The following STX16 variants were observed in gnomAD, a reference collection of about 807,000 sequenced individuals.
STX16 encodes the protein syntaxin-16.
In STX16, 28 loss-of-function variants were observed where a neutral mutation model predicts 42.7. The ratio of observed to expected loss-of-function variants is 0.66; its 90% confidence interval spans 0.49 to 0.90. The LOEUF (loss-of-function observed/expected upper bound fraction) is 0.90. Ranked by LOEUF, STX16 falls within the 40% of genes least tolerant of loss-of-function variation. The pLI is 0.00. For synonymous variants in STX16, 156 were observed against 155.2 expected (o/e 1.00, Z -0.04); for missense variants, 361 against 420.9 (o/e 0.86, Z 1.24).
At chr20:58,666,159 G>C (rs2083821898) in intron 2 of STX16, among the ~76,000 whole-genome samples, 1 of 152,134 alleles carries the variant, frequency 6.6e-6, no homozygotes, top group South Asian at 2.1e-4. Context: ...ATGCAAGGAA[G>C]AGGGAAGAAA....
At chr20:58,668,934 T>C (rs1276335919) in intron 4 of STX16, among the ~76,000 whole-genome samples, 1 of 152,212 alleles carries the variant, frequency 6.6e-6, no homozygotes, top group Non-Finnish European at 1.5e-5. Flanking sequence ...TTTCGAATTT[T>C]CAGATTGGGG....
In STX16 at chr20:58,677,961, C is replaced by A. The variant is rs2084173306; in HGVS notation, c.*1670C>A. 6.6e-6 allele frequency: 1 copy of A among 152,244 alleles called. No individual in the cohort carries two copies. Among genetic ancestry groups the A allele is most frequent in the Non-Finnish European group, 1.5e-5 (1 of 68,078 alleles). 9.4% of individuals were successfully genotyped at this position (152,244 alleles called of 1,614,324 possible). ...AGGAAGCGGACCTGGTATTCCCTGA[C>A]AAACATTGCTTAGGAAAGAGGGCCG... On this transcript the variant is annotated 3_prime_UTR_variant, in exon 9 of 9. Transcript: ENST00000371141.
rs2083864835 is a variant in STX16 at position 58,667,496 on chromosome 20, G to A, written c.151G>A (p.Asp51Asn). Residue 51 changes from aspartate to asparagine, a missense_variant, in exon 3 of 9, where the codon GAT (aspartate) becomes AAT (asparagine). Asp to Asn is a conservative substitution (Grantham distance 23, BLOSUM62 1). Coordinates refer to ENST00000371141, the MANE Select transcript of STX16 (RefSeq NM_001001433.3). Reference protein sequence around the residue: ...SIAAELDELADDRMALVSGIS... With the variant: ...SIAAELDELANDRMALVSGIS... ...TCCCTTTACTTTCCTGTAGCTTGCT[G>A]ATGACCGTATGGCACTGGTGTCAGG... 6.2e-7 allele frequency: 1 copy of A among 1,614,008 alleles called. No homozygotes were observed. Among genetic ancestry groups the A allele is most frequent in the East Asian group, 2.2e-5 (1 of 44,874 alleles).
At chr20:58,652,409 C>G (rs2083487029) in intron 1 of STX16, 1 of 541,596 alleles carries the variant, frequency 1.8e-6, no homozygotes, top group South Asian at 1.6e-5. Flanking sequence ...CGTCACTGCG[C>G]TACAGGCCGC....
intron 3 of STX16, 92 bp downstream of exon 3, chr20:58,667,689 A>G: frequency 4.4e-6 from 5 of 1,138,224 alleles, no homozygotes; most frequent in South Asian, 2.6e-5. Context: ...GAATTTGGCT[A>G]CACTTGAATG....
chr20:58,656,640 A>T (rs983171973), intron 1 of STX16, among the ~76,000 whole-genome samples: 6 of 152,250 alleles, frequency 3.9e-5, no homozygotes, highest in Admixed American at 1.3e-4. Context: ...GCTTTAAAAT[A>T]ATGCATAATC....
intron 1 of STX16, among the ~76,000 whole-genome samples, chr20:58,652,895 T>G (rs1329584776): frequency 1.3e-5 from 2 of 152,098 alleles, no homozygotes; most frequent in Non-Finnish European, 2.9e-5. Context: ...CAACCTTTAG[T>G]TAGCCTAGCA....
intron 8 of STX16, among the ~76,000 whole-genome samples, chr20:58,675,525 TGAAGA>T (rs1038472529): frequency 2.0e-4 from 31 of 152,148 alleles, no homozygotes; most frequent in African/African-American, 7.5e-4. Flanking sequence ...GGTGTTAAGG[TGAAGA>T]GATGTGCAGG....
chr20:58,652,416 C>T (rs1268229541), intron 1 of STX16: 1 of 523,582 alleles, frequency 1.9e-6, no homozygotes, highest in African/African-American at 2.0e-5. Flanking sequence ...GCGCTACAGG[C>T]CGCCTGTAAT....
At chr20:58,658,865 A>G (rs1227511532) in intron 1 of STX16, among the ~76,000 whole-genome samples, 2 of 152,280 alleles carry the variant, frequency 1.3e-5, no homozygotes, top group Non-Finnish European at 2.9e-5. Context: ...AATTATTCTT[A>G]CCTTTTGTTT....
chr20:58,671,437 G>GGTGT lies in STX16; in HGVS notation c.792+173_792+176dup, dbSNP rs540390363. ...TGCACCTGTCCTTTATGTGTGTGTGGGTGTGTGTGTGTGTGTGTGTGTGTG... is the reference window on the plus strand; with the variant it reads ...TGCACCTGTCCTTTATGTGTGTGTGGGTGTGTGTGTGTGTGTGTGTGTGTGTGTG... On this transcript the variant is annotated intron_variant, in intron 7 of 8. Transcript: ENST00000371141. The GGTGT allele has an allele frequency of 3.0e-3, 680 of 224,456 alleles. 1 individual carries two copies. Among genetic ancestry groups the GGTGT allele is most frequent in the Middle Eastern group, 0.011 (7 of 666 alleles). The allele number at this position is 224,456 out of a possible 1,614,324, so 13.9% of individuals were successfully genotyped here.
In STX16 at chr20:58,668,062, C is replaced by A. The variant is rs2083878796; in HGVS notation, c.328C>A (p.Pro110Thr). ...ASLHDKHLNR[P>T]TLDDSSEEEH... ...CCTTCATGACAAGCATTTAAACAGACCCACCCTGGATGACAGCAGCGAAGA... is the reference window on the plus strand; with the variant it reads ...CCTTCATGACAAGCATTTAAACAGAACCACCCTGGATGACAGCAGCGAAGA... The change falls in exon 4 of 9, where the codon CCC becomes ACC. Residue 110 changes from proline (P) to threonine (T), a missense_variant. Pro to Thr is a conservative substitution (Grantham distance 38, BLOSUM62 -1). Coordinates refer to ENST00000371141, the MANE Select transcript of STX16 (RefSeq NM_001001433.3). 6.2e-7 allele frequency: 1 copy of A among 1,614,090 alleles called. No homozygotes were observed. Among genetic ancestry groups the A allele is most frequent in the South Asian group, 1.1e-5 (1 of 91,086 alleles).
intron 7 of STX16, 137 bp from the exon 8 acceptor site, chr20:58,673,494 G>C (rs557181783): frequency 4.1e-5 from 25 of 611,966 alleles, no homozygotes; most frequent in Middle Eastern, 7.7e-4. Context: ...AGAGCCCTCC[G>C]TGTGTACCTG....
intron 5 of STX16, among the ~76,000 whole-genome samples, chr20:58,670,249 T>A (rs1335424884): frequency 6.6e-6 from 1 of 152,260 alleles, no homozygotes; most frequent in Non-Finnish European, 1.5e-5. Flanking sequence ...GATGGTTGTG[T>A]CATTTTTATC....
At chr20:58,664,947 T>A (rs142696326) in intron 2 of STX16, among the ~76,000 whole-genome samples, 4 of 152,358 alleles carry the variant, frequency 2.6e-5, no homozygotes, top group Non-Finnish European at 4.4e-5. Flanking sequence ...GAAGAGGTCC[T>A]TTAGCAATTT....
intron 5 of STX16, among the ~76,000 whole-genome samples, chr20:58,670,096 A>G (rs2083933645): frequency 6.6e-6 from 1 of 152,218 alleles, no homozygotes; most frequent in Non-Finnish European, 1.5e-5. Flanking sequence ...GCATATTTGT[A>G]TTTTAATTTT....
At chr20:58,662,193 C>G (rs572109811) in intron 2 of STX16, among the ~76,000 whole-genome samples, 2 of 152,308 alleles carry the variant, frequency 1.3e-5, no homozygotes, top group African/African-American at 4.8e-5. Context: ...CACAAGATAA[C>G]AAATGTCAAG....
chr20:58,670,589 A>G lies in STX16; in HGVS notation c.634A>G (p.Thr212Ala). 2 of 1,613,912 alleles carry G rather than the reference A, an allele frequency of 1.2e-6. No individual in the cohort carries two copies. The highest frequency in any genetic ancestry group is 1.7e-6 in the Non-Finnish European group (2 of 1,179,902). The change falls in exon 6 of 9, where the codon ACT becomes GCT. Residue 212 changes from threonine to alanine, a missense_variant. Thr to Ala is a moderately conservative substitution (Grantham distance 58). Transcript: ENST00000371141. Reference protein sequence around the residue: ...VPLMDDGDDNTLYHRGFTEDQ... With the variant: ...VPLMDDGDDNALYHRGFTEDQ... ...ACTAATGGATGATGGAGACGATAAC[A>G]CTCTTTACCATCGGGTACGTGAACG... is the stretch of plus-strand genomic sequence containing the variant.
intron 5 of STX16, among the ~76,000 whole-genome samples, chr20:58,670,049 C>A (rs76661424): frequency 0.08 from 12,205 of 152,258 alleles, 541 homozygotes; most frequent in African/African-American, 0.096. Flanking sequence ...TCCCCACATA[C>A]TCCAAAAAAC....
Sources: allele counts gnomAD v4.1 joint callset (sites outside exome capture counted in the v4.1 genomes callset), GRCh38; gene constraint gnomAD v4.1.1; transcripts MANE v1.5; gene names NCBI Gene and HGNC (gene_info 2026-07-23, HGNC 2026-07-21).